ALDOC: variants seen among roughly 807,000 people sequenced by gnomAD.
The protein encoded by ALDOC is aldolase, fructose-bisphosphate C, also known as fructose-bisphosphate aldolase C.
ALDOC carries 23 observed loss-of-function variants against 39.5 expected under a neutral mutation model. That is an observed-to-expected ratio of 0.58 (90% CI 0.42 to 0.82). ALDOC has a LOEUF of 0.82. Ranked by LOEUF, ALDOC falls within the 40% of genes least tolerant of loss-of-function variation. The pLI, the probability that ALDOC is intolerant of heterozygous loss-of-function variation, is 0.00. For synonymous variants in ALDOC, 160 were observed against 182.6 expected (o/e 0.88, Z 1.00); for missense variants, 356 against 479.1 (o/e 0.74, Z 2.40).
Position 28,575,144 on chromosome 17 carries a change from C to G in ALDOC, c.303G>C (p.Lys101Asn), listed in dbSNP as rs2070472022. The G allele has an allele frequency of 6.2e-7, 1 of 1,614,070 alleles. No individual in the cohort carries two copies. Among genetic ancestry groups the G allele is most frequent in the Non-Finnish European group, 8.5e-7 (1 of 1,180,044 alleles). ...GVPFVRTIQD[K>N]GIVVGIKVDK... Reference sequence around the variant, plus strand: ...GCACCTTGATGCCCACGACGATGCCCTTATCCTGGATGGTTCGGACGAAGG... The same window carrying G: ...GCACCTTGATGCCCACGACGATGCCGTTATCCTGGATGGTTCGGACGAAGG... Residue 101 changes from lysine to asparagine, a missense_variant, in exon 3 of 9, where the codon AAG (lysine) becomes AAC (asparagine). Coordinates refer to ENST00000226253, the MANE Select transcript of ALDOC (RefSeq NM_005165.3). This position sits in a 1 kb window ranked among gnomAD's most constrained non-coding sequence, Gnocchi z 4.3.
intron 1 of ALDOC, chr17:28,576,133 T>G (rs1261603108): frequency 2.7e-6 from 1 of 368,128 alleles, no homozygotes; most frequent in African/African-American, 2.2e-5. Context: ...CTATGCCTAT[T>G]GCCTATTCCC....
chr17:28,575,964 C>T lies in ALDOC; in HGVS notation c.-12-420G>A. Reference sequence around the variant, plus strand: ...AGGACCCCTAGGGAAAGTGTACTTACTTCCAAGGCTTCAGAATGAGGCAAA... The same window carrying T: ...AGGACCCCTAGGGAAAGTGTACTTATTTCCAAGGCTTCAGAATGAGGCAAA... On this transcript the variant is annotated intron_variant, in intron 1 of 8. Transcript: ENST00000226253. This position sits in a 1 kb window ranked among gnomAD's most constrained non-coding sequence, Gnocchi z 4.3. 3 of 1,017,472 alleles carry T rather than the reference C, an allele frequency of 2.9e-6. No individual in the cohort carries two copies. The highest frequency in any genetic ancestry group is 3.5e-6 in the Non-Finnish European group (3 of 848,106). 63.0% of individuals were successfully genotyped at this position (1,017,472 alleles called of 1,614,324 possible). A position where few individuals can be genotyped will look rare whatever the true frequency, so the allele number is the denominator to read the frequency against.
chr17:28,574,519 T>G lies in ALDOC; in HGVS notation c.599A>C (p.Lys200Thr), dbSNP rs569950345. 1 of 1,614,010 alleles carries G rather than the reference T, an allele frequency of 6.2e-7. No individual in the cohort carries two copies. The highest frequency in any genetic ancestry group is 8.5e-7 in the Non-Finnish European group (1 of 1,179,998). ...EILPDGDHDL[K>T]RCQYVTEKVL... Reference sequence around the variant, plus strand: ...CTTCTCTGTAACATACTGACAACGTTTGAGGTCGTGGTCTCCATCAGGCAA... The same window carrying G: ...CTTCTCTGTAACATACTGACAACGTGTGAGGTCGTGGTCTCCATCAGGCAA... Residue 200 changes from lysine to threonine, a missense_variant, in exon 6 of 9, where the codon AAA becomes ACA. Lys to Thr is a moderately conservative substitution (Grantham distance 78). Coordinates refer to ENST00000226253, the MANE Select transcript of ALDOC (RefSeq NM_005165.3).
rs1567619218 is a variant in ALDOC, at chr17:28,573,148, G to C, written c.*378C>G. On this transcript the variant is annotated 3_prime_UTR_variant, in exon 9 of 9. Coordinates refer to ENST00000226253, the MANE Select transcript of ALDOC (RefSeq NM_005165.3). This position sits in a 1 kb window ranked among gnomAD's most constrained non-coding sequence, Gnocchi z 4.3. ...TTTGCTACCATTTATTTGCTGTATG[G>C]TATGTACTCAAGGCATGAGTCAGGG... is the stretch of plus-strand genomic sequence containing the variant. The C allele has an allele frequency of 3.1e-6, 1 of 326,790 alleles. No homozygotes were observed. Among genetic ancestry groups the C allele is most frequent in the Non-Finnish European group, 5.9e-6 (1 of 170,686 alleles). The allele number at this position is 326,790 out of a possible 1,614,324, so 20.2% of individuals were successfully genotyped here.
At chr17:28,574,598 G>A (rs1391444242) in intron 5 of ALDOC, 21 bp from the exon 6 acceptor site, 3 of 1,613,894 alleles carry the variant, frequency 1.9e-6, no homozygotes, top group East Asian at 2.2e-5. Context: ...GAGCAGAGAT[G>A]CTTGGGAGGG....
At chr17:28,576,769 T>C (rs1032793764) in intron 1 of ALDOC, 32 bp downstream of exon 1, 9 of 983,748 alleles carry the variant, frequency 9.1e-6, no homozygotes, top group African/African-American at 1.8e-5. Context: ...GAAGCGGAGA[T>C]GTTGAGTGGC....
Position 28,574,690 on chromosome 17 carries a change from A to AC in ALDOC, c.540+5dup. 6.2e-7 allele frequency: 1 copy of AC among 1,614,116 alleles called. No individual in the cohort carries two copies. The highest frequency in any genetic ancestry group is 2.2e-5 in the East Asian group (1 of 44,880). Reference sequence around the variant, plus strand: ...ACCTAGCTCACCACCCTCCCAACACACACACCTGCTGGCAGATACTGGCAT... The same window carrying AC: ...ACCTAGCTCACCACCCTCCCAACACACCACACCTGCTGGCAGATACTGGCAT... On this transcript the variant is annotated splice_donor_region_variant and intron_variant, in intron 5 of 8. Transcript: ENST00000226253.
chr17:28,575,778 T>C lies in ALDOC; in HGVS notation c.-12-234A>G. ...CATCCTTCCCAGCCCTGGGGAAAGA[T>C]GCAGGGTGGGGGTGGGGAGGTGAGC... On this transcript the variant is annotated intron_variant, in intron 1 of 8. Coordinates refer to ENST00000226253, the MANE Select transcript of ALDOC (RefSeq NM_005165.3). The surrounding 1 kb of genome is among the most constrained non-coding windows in gnomAD (Gnocchi z 4.3). 2 of 628,080 alleles carry C rather than the reference T, an allele frequency of 3.2e-6. No homozygotes were observed. Among genetic ancestry groups the C allele is most frequent in the Non-Finnish European group, 5.1e-6 (2 of 390,376 alleles). The allele number at this position is 628,080 out of a possible 1,614,324, so 38.9% of individuals were successfully genotyped here. A position where few individuals can be genotyped will look rare whatever the true frequency, so the allele number is the denominator to read the frequency against.
chr17:28,575,290 CTG>C lies in ALDOC; in HGVS notation c.155_156del (p.Thr52ArgfsTer15), dbSNP rs2070474732. The C allele has an allele frequency of 7.4e-6, 12 of 1,614,214 alleles. No homozygotes were observed. Among genetic ancestry groups the C allele is most frequent in the Non-Finnish European group, 1.0e-5 (12 of 1,180,042 alleles). On this transcript the variant is annotated frameshift_variant, in exon 3 of 9. Transcript: ENST00000226253. LOFTEE classifies it high-confidence loss of function. This position sits in a 1 kb window ranked among gnomAD's most constrained non-coding sequence, Gnocchi z 4.3. ...TGGCGGTACAGCCGGCGGTTCTCCT[CTG>C]TGTTTTCCACCCCAATTTGGCTCAG... ...KRLSQIGVEN[T>X]EENRRLYRQV...
Position 28,573,750 on chromosome 17 carries a change from G to A in ALDOC, c.984C>T (p.Phe328=), listed in dbSNP as rs201358818. The stretch of plus-strand genomic sequence containing the variant: ...AGCTCCCAACCTCAGCCCGCTTGAT[G>A]AACTCCTCAGTGGCAGCCCCAGCAT... ...RDNAGAATEE[F]IKRAEVNGLA... is the part of the protein sequence containing the mutation. The change falls in exon 8 of 9, where the codon TTC becomes TTT. Residue 328 remains phenylalanine, a synonymous_variant. Transcript: ENST00000226253. This position sits in a 1 kb window ranked among gnomAD's most constrained non-coding sequence, Gnocchi z 4.3. The A allele has an allele frequency of 2.5e-6, 4 of 1,614,202 alleles. No individual in the cohort carries two copies. The highest frequency in any genetic ancestry group is 4.5e-5 in the East Asian group (2 of 44,886).
chr17:28,574,480 A>C lies in ALDOC; in HGVS notation c.624+14T>G. 1 of 1,613,354 alleles carries C rather than the reference A, an allele frequency of 6.2e-7. No homozygotes were observed. The highest frequency in any genetic ancestry group is 8.5e-7 in the Non-Finnish European group (1 of 1,179,360). On this transcript the variant is annotated intron_variant, in intron 6 of 8. Coordinates refer to ENST00000226253, the MANE Select transcript of ALDOC (RefSeq NM_005165.3). ...GTCCCTGCAGTATGTTTGTGTGCCC[A>C]GGTGTGGACTCACCTTCTCTGTAAC...
intron 1 of ALDOC, chr17:28,576,327 C>T (rs1187910722): frequency 6.6e-6 from 1 of 152,452 alleles, no homozygotes; most frequent in Non-Finnish European, 1.5e-5. Flanking sequence ...TTCCCCACAA[C>T]TCAGACACCC....
chr17:28,576,784 G>A lies in ALDOC; in HGVS notation c.-13+17C>T. ...GAAGCGGAGATGTTGAGTGGCTCCC[G>A]CCTTGCCTGGCCTTACCTGTGCGCA... On this transcript the variant is annotated intron_variant, in intron 1 of 8. Transcript: ENST00000226253. 1 of 985,198 alleles carries A rather than the reference G, an allele frequency of 1.0e-6. No individual in the cohort carries two copies. The highest frequency in any genetic ancestry group is 4.7e-5 in the South Asian group (1 of 21,286). The allele number at this position is 985,198 out of a possible 1,614,324, so 61.0% of individuals were successfully genotyped here. A position where few individuals can be genotyped will look rare whatever the true frequency, so the allele number is the denominator to read the frequency against.
Position 28,575,457 on chromosome 17 carries a change from G to T in ALDOC, c.76C>A (p.Pro26Thr). The stretch of plus-strand genomic sequence containing the variant: ...TCCGCAGCCAGAATGCCTTTGCCCG[G>T]GGCTACAATCCGCAGGGCAATGTCA... ...LSDIALRIVA[P>T]GKGILAADES... The change falls in exon 2 of 9, where the codon CCG becomes ACG. Residue 26 changes from proline to threonine, a missense_variant. Transcript: ENST00000226253. This position sits in a 1 kb window ranked among gnomAD's most constrained non-coding sequence, Gnocchi z 4.3. 6.2e-7 allele frequency: 1 copy of T among 1,614,216 alleles called. No homozygotes were observed. Among genetic ancestry groups the T allele is most frequent in the South Asian group, 1.1e-5 (1 of 91,088 alleles).
chr17:28,573,962 A>G lies in ALDOC; in HGVS notation c.800-28T>C. ...AGTGTGGAGGAGAGAAGACAAACTG[A>G]CTGGTCACTCCCAATTTTTCCAGGA... On this transcript the variant is annotated intron_variant, in intron 7 of 8. Transcript: ENST00000226253. The surrounding 1 kb of genome is among the most constrained non-coding windows in gnomAD (Gnocchi z 4.3). 1 of 1,613,492 alleles carries G rather than the reference A, an allele frequency of 6.2e-7. No homozygotes were observed. Among genetic ancestry groups the G allele is most frequent in the Non-Finnish European group, 8.5e-7 (1 of 1,179,584 alleles).
At position 28,575,547 on chromosome 17, in the gene ALDOC, G is replaced by A. The variant is rs1182835820; in HGVS notation, c.-12-3C>T. 1 of 1,613,154 alleles carries A rather than the reference G, an allele frequency of 6.2e-7. No homozygotes were observed. Among genetic ancestry groups the A allele is most frequent in the African/African-American group, 1.3e-5 (1 of 75,048 alleles). ...GAGTGAGGCATGGTGACAGCTCCCTGGAGTGGAGACAAGATAAAAAAGCCA... is the reference window on the plus strand; with the variant it reads ...GAGTGAGGCATGGTGACAGCTCCCTAGAGTGGAGACAAGATAAAAAAGCCA... On this transcript the variant is annotated splice_region_variant and splice_polypyrimidine_tract_variant and intron_variant, in intron 1 of 8. Transcript: ENST00000226253. The surrounding 1 kb of genome is among the most constrained non-coding windows in gnomAD (Gnocchi z 4.3).
intron 1 of ALDOC, 34 bp downstream of exon 1, chr17:28,576,767 G>A: frequency 3.0e-6 from 3 of 983,692 alleles, no homozygotes; most frequent in Non-Finnish European, 3.6e-6. Flanking sequence ...ATGAAGCGGA[G>A]ATGTTGAGTG....
At position 28,573,468 on chromosome 17, in the gene ALDOC, C is replaced by G; in HGVS notation, c.*58G>C. The stretch of plus-strand genomic sequence containing the variant: ...CATAGCTATTTGGCCCTGGCCATGA[C>G]TACAAGCAAAAGTGGGTGCAGATGG... On this transcript the variant is annotated 3_prime_UTR_variant, in exon 9 of 9. Transcript: ENST00000226253. The surrounding 1 kb of genome is among the most constrained non-coding windows in gnomAD (Gnocchi z 4.3). 2 of 1,554,884 alleles carry G rather than the reference C, an allele frequency of 1.3e-6. No homozygotes were observed. Among genetic ancestry groups the G allele is most frequent in the African/African-American group, 2.7e-5 (2 of 73,838 alleles).
At chr17:28,574,669 A>G in intron 5 of ALDOC, 27 bp downstream of exon 5, 1 of 1,613,992 alleles carries the variant, frequency 6.2e-7, no homozygotes, top group East Asian at 2.2e-5. Flanking sequence ...CAGGGCACCT[A>G]GCTCACCACC....
Sources: allele counts gnomAD v4.1 joint callset, GRCh38; gene constraint gnomAD v4.1.1; non-coding constraint Gnocchi (gnomAD v3.1); transcripts MANE v1.5; gene names NCBI Gene and HGNC (gene_info 2026-07-23, HGNC 2026-07-21).